SUPT3H: variants seen among roughly 807,000 people sequenced by gnomAD.
The protein encoded by SUPT3H is SPT3 homolog, SAGA and STAGA complex component, also known as transcription initiation protein SPT3 homolog.
In SUPT3H, 44 loss-of-function variants were observed where a neutral mutation model predicts 44.3. The ratio of observed to expected loss-of-function variants is 0.99; its 90% CI spans 0.78 to 1.28. The LOEUF is 1.28. SUPT3H is among the 50% of genes most tolerant of loss of function. The pLI is 0.00. For synonymous variants in SUPT3H, 124 were observed against 125.6 expected, an observed-to-expected ratio of 0.99 and a Z score of 0.09; for missense variants, 380 against 387.1, an observed-to-expected ratio of 0.98 and a Z score of 0.15.
intron 7 of SUPT3H, among the ~76,000 whole-genome samples, chr6:44,958,092 G>C (rs1032798949): frequency 6.6e-6 from 1 of 152,160 alleles, no homozygotes; most frequent in Non-Finnish European, 1.5e-5. Flanking sequence ...CGTATCAGGA[G>C]AAACGATAAC....
At chr6:44,987,094 T>C (rs1345348238) in intron 6 of SUPT3H, among the ~76,000 whole-genome samples, 1 of 152,110 alleles carries the variant, frequency 6.6e-6, no homozygotes, top group Admixed American at 6.6e-5. Context: ...CTTCCTGGCT[T>C]ACAGATAGCT....
intron 9 of SUPT3H, among the ~76,000 whole-genome samples, chr6:44,950,555 T>G (rs1487234428): frequency 1.3e-5 from 2 of 152,142 alleles, no homozygotes; most frequent in African/African-American, 2.4e-5. Context: ...AAGGCTGTAG[T>G]GCACTATGAT....
At chr6:45,361,139 T>G (rs757324221) in intron 2 of SUPT3H, among the ~76,000 whole-genome samples, 1 of 152,292 alleles carries the variant, frequency 6.6e-6, no homozygotes, top group Non-Finnish European at 1.5e-5. Context: ...ATGCAAAAAT[T>G]GCAGAACTGT....
At chr6:45,198,850 A>G (rs931263636) in intron 2 of SUPT3H, among the ~76,000 whole-genome samples, 2 of 151,346 alleles carry the variant, frequency 1.3e-5, no homozygotes, top group African/African-American at 4.8e-5. Flanking sequence ...ACTAACTTCT[A>G]ATCATATCTG....
intron 10 of SUPT3H, among the ~76,000 whole-genome samples, chr6:44,901,827 A>G (rs1411562244): frequency 2.0e-5 from 3 of 152,220 alleles, no homozygotes; most frequent in East Asian, 1.9e-4. Flanking sequence ...CTGATCTCTC[A>G]CCAGAAACTC....
intron 2 of SUPT3H, among the ~76,000 whole-genome samples, chr6:45,350,820 T>G (rs1293078943): frequency 3.3e-5 from 5 of 152,136 alleles, no homozygotes; most frequent in African/African-American, 9.7e-5. Flanking sequence ...GAATGAAGTC[T>G]TTACATTTTC....
At chr6:45,135,814 C>T (rs1199407017) in intron 2 of SUPT3H, among the ~76,000 whole-genome samples, 1 of 152,160 alleles carries the variant, frequency 6.6e-6, no homozygotes, top group African/African-American at 2.4e-5. Context: ...TATTAAAAAG[C>T]CATCCAGTCC....
intron 2 of SUPT3H, among the ~76,000 whole-genome samples, chr6:45,179,005 G>C (rs537455863): frequency 6.6e-6 from 1 of 152,040 alleles, no homozygotes; most frequent in Admixed American, 6.6e-5. Flanking sequence ...AATTAAAAGA[G>C]AGAAGAATCA....
chr6:45,161,469 TATCTC>T (rs1199880790), intron 2 of SUPT3H, among the ~76,000 whole-genome samples: 1 of 152,128 alleles, frequency 6.6e-6, no homozygotes, highest in African/African-American at 2.4e-5. Context: ...ACTAGAAAAA[TATCTC>T]TACTCTCTGA....
At chr6:45,202,422 A>C (rs1762578949) in intron 2 of SUPT3H, among the ~76,000 whole-genome samples, 1 of 152,020 alleles carries the variant, frequency 6.6e-6, no homozygotes, top group South Asian at 2.1e-4. Flanking sequence ...GGCCTTACAT[A>C]CTTGTTAAAG....
intron 6 of SUPT3H, among the ~76,000 whole-genome samples, chr6:44,974,542 A>T (rs1347175691): frequency 1.3e-5 from 2 of 152,196 alleles, no homozygotes; most frequent in African/African-American, 4.8e-5. Flanking sequence ...AGGAGTAAGC[A>T]TTGTGCTTCT....
chr6:44,920,180 C>A (rs1402162174), intron 10 of SUPT3H, among the ~76,000 whole-genome samples: 1 of 152,056 alleles, frequency 6.6e-6, no homozygotes, highest in Non-Finnish European at 1.5e-5. Context: ...GCCCAACCCA[C>A]AATCACTTAT....
At chr6:45,045,005 T>C (rs1789150180) in intron 3 of SUPT3H, among the ~76,000 whole-genome samples, 1 of 152,196 alleles carries the variant, frequency 6.6e-6, no homozygotes, top group Non-Finnish European at 1.5e-5. Context: ...TGTGGATTAT[T>C]TCACGAGAGG....
At chr6:44,816,451 ATATC>A (rs1329411014) in intron 11 of SUPT3H, among the ~76,000 whole-genome samples, 1 of 152,192 alleles carries the variant, frequency 6.6e-6, no homozygotes, top group Non-Finnish European at 1.5e-5. Flanking sequence ...AGATAACCTT[ATATC>A]TATCTAAGAA....
chr6:45,336,309 C>T (rs1788540352), intron 2 of SUPT3H, among the ~76,000 whole-genome samples: 1 of 151,260 alleles, frequency 6.6e-6, no homozygotes, highest in Non-Finnish European at 1.5e-5. Flanking sequence ...TAACAATATC[C>T]CTCCCTTATA....
intron 2 of SUPT3H, among the ~76,000 whole-genome samples, chr6:45,247,707 A>G (rs1358777301): frequency 7.6e-6 from 1 of 130,916 alleles, no homozygotes; most frequent in Admixed American, 7.6e-5. Context: ...TTTTTTTTGT[A>G]GACATAGAAA....
chr6:45,024,580 CT>C (rs1459172325), intron 3 of SUPT3H, among the ~76,000 whole-genome samples: 9 of 152,076 alleles, frequency 5.9e-5, no homozygotes, highest in Non-Finnish European at 1.2e-4. Flanking sequence ...TTGTTTTTCT[CT>C]CATATAATTC....
At chr6:45,307,966 A>G (rs956971538) in intron 2 of SUPT3H, among the ~76,000 whole-genome samples, 1 of 152,248 alleles carries the variant, frequency 6.6e-6, no homozygotes, top group Admixed American at 6.5e-5. Flanking sequence ...CAAATGCACA[A>G]GCTTCAGTAG....
At chr6:44,899,774 C>A (rs1344858249) in intron 10 of SUPT3H, among the ~76,000 whole-genome samples, 1 of 152,160 alleles carries the variant, frequency 6.6e-6, no homozygotes, top group African/African-American at 2.4e-5. Context: ...ATGAGATGTT[C>A]TACTGCCATT....
Sources: allele counts gnomAD v4.1 joint callset (sites outside exome capture counted in the v4.1 genomes callset), GRCh38; gene constraint gnomAD v4.1.1; transcripts MANE v1.5; gene names NCBI Gene and HGNC (gene_info 2026-07-23, HGNC 2026-07-21).